The following EAPP variants were observed in gnomAD, a reference collection of about 807,000 sequenced individuals.
EAPP encodes the protein E2F-associated phosphoprotein.
In EAPP, 38 loss-of-function variants were observed where a neutral mutation model predicts 34.3. The ratio of observed to expected loss-of-function variants is 1.11; its 90% CI spans 0.85 to 1.45. The LOEUF (loss-of-function observed/expected upper bound fraction) is 1.45. EAPP is among the 40% of genes most tolerant of loss of function. The pLI, the probability that EAPP is intolerant of heterozygous loss-of-function variation, is 0.00. For missense variants in EAPP, 338 were observed against 343.7 expected (o/e 0.98, Z 0.13); for synonymous variants, 113 against 117.6 (o/e 0.96, Z 0.25).
intron 1 of EAPP, among the ~76,000 whole-genome samples, chr14:34,538,459 A>G (rs1207608008): frequency 6.6e-6 from 1 of 152,184 alleles, no homozygotes; most frequent in Non-Finnish European, 1.5e-5. Flanking sequence ...CATTAACTGA[A>G]ACTCTTTTTC....
At chr14:34,533,709 G>A (rs1217765965) in intron 2 of EAPP, among the ~76,000 whole-genome samples, 170 bp from the exon 3 acceptor site, 1 of 152,160 alleles carries the variant, frequency 6.6e-6, no homozygotes, top group African/African-American at 2.4e-5. Flanking sequence ...GCCCTATACA[G>A]TTACAGAGAA....
chr14:34,516,345 A>G lies in EAPP; in HGVS notation c.823T>C (p.Phe275Leu). ...CTTGCTAAAACATTGAAAAAATGAA[A>G]GACTTCATCCTTGTCGTAGACTGCC... ...EVAVYDKDEV[F>L]HFFNVLASHS Residue 275 changes from phenylalanine (F) to leucine (L), a missense_variant, in exon 6 of 6, where the codon TTT becomes CTT. By Grantham distance (22) the Phe-to-Leu change is conservative. Coordinates refer to ENST00000250454, the MANE Select transcript of EAPP (RefSeq NM_018453.4). 6.2e-7 allele frequency: 1 copy of G among 1,611,780 alleles called. No individual in the cohort carries two copies. Among genetic ancestry groups the G allele is most frequent in the Non-Finnish European group, 8.5e-7 (1 of 1,179,100 alleles).
At chr14:34,519,860 C>A (rs1403399581) in intron 5 of EAPP, among the ~76,000 whole-genome samples, 1 of 148,722 alleles carries the variant, frequency 6.7e-6, no homozygotes, top group African/African-American at 2.5e-5. Context: ...AAAAAACTTA[C>A]AGTTATAACA....
intron 5 of EAPP, among the ~76,000 whole-genome samples, chr14:34,524,408 A>ATATC (rs549662648): frequency 2.1e-3 from 321 of 151,824 alleles, no homozygotes; most frequent in African/African-American, 4.9e-3. Flanking sequence ...AAACAAAACT[A>ATATC]TATCTATCTA....
chr14:34,528,818 T>A (rs2138896391), intron 4 of EAPP, among the ~76,000 whole-genome samples: 1 of 151,602 alleles, frequency 6.6e-6, no homozygotes, highest in Non-Finnish European at 1.5e-5. Flanking sequence ...CAGCCTAAAT[T>A]CAACAAGTTT....
intron 5 of EAPP, among the ~76,000 whole-genome samples, chr14:34,517,919 T>C (rs1350115481): frequency 6.6e-6 from 1 of 151,420 alleles, no homozygotes; most frequent in Admixed American, 6.6e-5. Context: ...GGATTAAAGG[T>C]GTACGCCACC....
intron 5 of EAPP, among the ~76,000 whole-genome samples, chr14:34,517,149 A>G (rs1288745234): frequency 5.3e-5 from 8 of 151,646 alleles, no homozygotes; most frequent in East Asian, 3.9e-4. Flanking sequence ...TGTGTTAGCC[A>G]GGATGGTCTC....
intron 3 of EAPP, among the ~76,000 whole-genome samples, chr14:34,532,636 A>G (rs962609652): frequency 6.7e-6 from 1 of 148,750 alleles, no homozygotes; most frequent in Non-Finnish European, 1.5e-5. Context: ...AAGCAGCACC[A>G]CTGTTGGTGC....
At chr14:34,519,436 G>C (rs1279818109) in intron 5 of EAPP, among the ~76,000 whole-genome samples, 1 of 151,998 alleles carries the variant, frequency 6.6e-6, no homozygotes, top group Non-Finnish European at 1.5e-5. Flanking sequence ...TTGGGAGACT[G>C]AGACAGGAGA....
At chr14:34,531,767 C>T (rs1332834583) in intron 3 of EAPP, among the ~76,000 whole-genome samples, 2 of 151,960 alleles carry the variant, frequency 1.3e-5, no homozygotes, top group African/African-American at 4.8e-5. Flanking sequence ...TTCAACTTTG[C>T]TCAAATTTTA....
At chr14:34,533,592 G>A in intron 2 of EAPP, 53 bp from the exon 3 acceptor site, 1 of 1,184,850 alleles carries the variant, frequency 8.4e-7, no homozygotes. Flanking sequence ...AATTCACAAG[G>A]CAAAAAACTC....
In EAPP at chr14:34,536,868, C is replaced by T. The variant is rs528619967; in HGVS notation, c.75-593G>A. ...AGCTGGGATTACAGGATTCAGAATCCGTCTCAAAAAATACATAGATAGATA... is the reference window on the plus strand; with the variant it reads ...AGCTGGGATTACAGGATTCAGAATCTGTCTCAAAAAATACATAGATAGATA... On this transcript the variant is annotated intron_variant, in intron 1 of 5. Coordinates refer to ENST00000250454, the MANE Select transcript of EAPP (RefSeq NM_018453.4). Among the ~76,000 whole-genome samples the T allele has an allele frequency of 6.6e-5, 10 of 151,644 alleles. No individual in the cohort carries two copies. The East Asian group carries it at 1.5e-3, about 23-fold the overall frequency.
intron 1 of EAPP, among the ~76,000 whole-genome samples, chr14:34,537,608 T>G (rs1241720288): frequency 6.6e-6 from 1 of 152,196 alleles, no homozygotes; most frequent in East Asian, 1.9e-4. Context: ...TGAGATAATG[T>G]CTCCTTCCAG....
chr14:34,538,071 G>A (rs531038309), intron 1 of EAPP, among the ~76,000 whole-genome samples: 22 of 152,098 alleles, frequency 1.4e-4, no homozygotes, highest in Middle Eastern at 3.4e-3. Context: ...GAATTATAAA[G>A]CTTCCTTAAA....
Position 34,516,166 on chromosome 14 carries a change from A to G in EAPP, c.*144T>C. ...GAGAGGGTGAGAGATGTAAGAGATG[A>G]ATGAAGGTTGACAACTATTCTCCTT... On this transcript the variant is annotated 3_prime_UTR_variant, in exon 6 of 6. Coordinates refer to ENST00000250454, the MANE Select transcript of EAPP (RefSeq NM_018453.4). The G allele has an allele frequency of 1.3e-6, 1 of 742,982 alleles. No homozygotes were observed. Among genetic ancestry groups the G allele is most frequent in the East Asian group, 2.7e-5 (1 of 37,144 alleles). The allele number at this position is 742,982 out of a possible 1,614,324, so 46.0% of individuals were successfully genotyped here.
At chr14:34,528,261 CCT>C (rs2138895544) in intron 4 of EAPP, among the ~76,000 whole-genome samples, 1 of 151,980 alleles carries the variant, frequency 6.6e-6, no homozygotes, top group East Asian at 1.9e-4. Context: ...GTCTTGAACT[CCT>C]GACTTCAAGT....
intron 5 of EAPP, among the ~76,000 whole-genome samples, chr14:34,519,745 C>T (rs1047697042): frequency 2.0e-5 from 3 of 151,858 alleles, no homozygotes; most frequent in South Asian, 2.1e-4. Flanking sequence ...TGTCTTCCTT[C>T]GTGATTAAGT....
chr14:34,521,463 A>G (rs1010213039), intron 5 of EAPP, among the ~76,000 whole-genome samples: 1 of 152,032 alleles, frequency 6.6e-6, no homozygotes, highest in Non-Finnish European at 1.5e-5. Flanking sequence ...TTTTGAGATA[A>G]TATTTTATAT....
chr14:34,523,703 A>ATTTTTTAT lies in EAPP; in HGVS notation c.581+986_581+993dup, dbSNP rs1457187470. On this transcript the variant is annotated intron_variant, in intron 5 of 5. Coordinates refer to ENST00000250454, the MANE Select transcript of EAPP (RefSeq NM_018453.4). ...ACGCATACATCACTATACTCAGCTA[A>ATTTTTTAT]TTTTTTATTTTTTTATTTTTTGTAG... 7.4e-4 allele frequency among the ~76,000 whole-genome samples: 112 copies of ATTTTTTAT among 151,772 alleles called. 3 individuals carry two copies. Among genetic ancestry groups the ATTTTTTAT allele is most frequent in the Middle Eastern group, 3.4e-3 (1 of 294 alleles).
Sources: allele counts gnomAD v4.1 joint callset (sites outside exome capture counted in the v4.1 genomes callset), GRCh38; gene constraint gnomAD v4.1.1; transcripts MANE v1.5; gene names NCBI Gene and HGNC (gene_info 2026-07-23, HGNC 2026-07-21).